The following MAP2 variants were observed in gnomAD, a reference collection of about 807,000 sequenced individuals.
MAP2 encodes microtubule-associated protein 2.
Under a neutral mutation model 137.6 loss-of-function variants are expected in MAP2, and 14 were observed. The observed-to-expected ratio is 0.10, with a 90% CI of 0.07 to 0.16. The LOEUF is 0.16. Ranked by LOEUF, MAP2 falls within the 10% of genes least tolerant of loss-of-function variation. The pLI is 1.00. For missense variants in MAP2, 2,088 were observed against 2,191.5 expected (o/e 0.95, Z 0.94); for synonymous variants, 786 against 782.3 (o/e 1.00, Z -0.08).
At chr2:209,595,031 ACTC>A (rs1453149637) in intron 3 of MAP2, among the ~76,000 whole-genome samples, 1 of 152,080 alleles carries the variant, frequency 6.6e-6, no homozygotes, top group Non-Finnish European at 1.5e-5. Context: ...AAGAAGTAAA[ACTC>A]CTTCTACAAT....
intron 2 of MAP2, among the ~76,000 whole-genome samples, chr2:209,545,501 A>G (rs892384387): frequency 2.6e-5 from 4 of 152,234 alleles, no homozygotes; most frequent in East Asian, 3.9e-4. Flanking sequence ...GTAACGATGC[A>G]GCTGACAGTA....
chr2:209,583,921 T>C (rs928386887), intron 3 of MAP2, among the ~76,000 whole-genome samples: 4 of 151,968 alleles, frequency 2.6e-5, no homozygotes, highest in Non-Finnish European at 5.9e-5. Context: ...AACTCCTCCT[T>C]CCTTCCCTCT....
chr2:209,529,659 A>G (rs1422922548), intron 2 of MAP2, among the ~76,000 whole-genome samples: 1 of 152,168 alleles, frequency 6.6e-6, no homozygotes, highest in Non-Finnish European at 1.5e-5. Context: ...GTGGGAGGCA[A>G]GCAGATTCAT....
At chr2:209,460,255 C>T (rs1228498667) in intron 1 of MAP2, among the ~76,000 whole-genome samples, 1 of 152,130 alleles carries the variant, frequency 6.6e-6, no homozygotes, top group Non-Finnish European at 1.5e-5. Flanking sequence ...AATTGGCCAT[C>T]GTAATGTATG....
intron 5 of MAP2, among the ~76,000 whole-genome samples, chr2:209,656,838 T>C (rs769167655): frequency 2.6e-5 from 4 of 152,318 alleles, no homozygotes; most frequent in Middle Eastern, 3.4e-3. Flanking sequence ...ATATATCTCA[T>C]AGGGGTGAAG....
chr2:209,593,997 A>C (rs1049893128), intron 3 of MAP2, among the ~76,000 whole-genome samples: 5 of 143,576 alleles, frequency 3.5e-5, no homozygotes, highest in Non-Finnish European at 7.5e-5. Context: ...CACACACACA[A>C]ATTAGCTGGA....
intron 5 of MAP2, among the ~76,000 whole-genome samples, chr2:209,658,165 A>C (rs1291488721): frequency 6.6e-6 from 1 of 152,178 alleles, no homozygotes; most frequent in Non-Finnish European, 1.5e-5. Flanking sequence ...ATTATTTGTA[A>C]AATTTGTAAA....
rs1055166528 is a variant in MAP2, at chr2:209,732,635, C to A, written c.*2238C>A. The A allele has an allele frequency of 3.3e-5, 5 of 152,540 alleles. No individual in the cohort carries two copies. The highest frequency in any genetic ancestry group is 5.9e-5 in the Non-Finnish European group (4 of 68,030). The allele number at this position is 152,540 out of a possible 1,614,324, so 9.4% of individuals were successfully genotyped here. A position where few individuals can be genotyped will look rare whatever the true frequency, so the allele number is the denominator to read the frequency against. Reference sequence around the variant, plus strand: ...TTAAATTTCTCTAGAAAGAAGTTAACAGCTCATTAGAAAAGTTTTAACCTG... The same window carrying A: ...TTAAATTTCTCTAGAAAGAAGTTAAAAGCTCATTAGAAAAGTTTTAACCTG... On this transcript the variant is annotated 3_prime_UTR_variant, in exon 16 of 16. Transcript: ENST00000682079.
intron 3 of MAP2, among the ~76,000 whole-genome samples, chr2:209,610,185 G>A (rs892764783): frequency 2.0e-5 from 3 of 152,052 alleles, no homozygotes; most frequent in Non-Finnish European, 2.9e-5. Context: ...GTAGAGAAGA[G>A]CATTCCAAGC....
At chr2:209,481,969 T>G (rs1708889411) in intron 1 of MAP2, among the ~76,000 whole-genome samples, 1 of 152,206 alleles carries the variant, frequency 6.6e-6, no homozygotes, top group African/African-American at 2.4e-5. Context: ...TTCATTTATT[T>G]CAGAATAATG....
At chr2:209,574,123 T>C (rs924483036) in intron 2 of MAP2, among the ~76,000 whole-genome samples, 1 of 152,178 alleles carries the variant, frequency 6.6e-6, no homozygotes, top group Admixed American at 6.5e-5. Context: ...ATGATTCTCA[T>C]GGTACATTCG....
intron 3 of MAP2, among the ~76,000 whole-genome samples, chr2:209,619,382 TA>T (rs1203165694): frequency 6.6e-6 from 1 of 152,150 alleles, no homozygotes; most frequent in Non-Finnish European, 1.5e-5. Flanking sequence ...CATCATATTA[TA>T]CATGATAAAT....
chr2:209,727,805 T>G (rs919865905), intron 14 of MAP2, among the ~76,000 whole-genome samples: 1 of 152,180 alleles, frequency 6.6e-6, no homozygotes, highest in African/African-American at 2.4e-5. Context: ...ATCTCTGAGT[T>G]TAAGATATCT....
rs767047070 is a variant in MAP2, at chr2:209,693,106, C to A, written c.936C>A (p.Pro312=). The A allele has an allele frequency of 8.7e-6, 14 of 1,612,868 alleles. 1 individual carries two copies. The South Asian group carries it at 1.4e-4, about 16-fold the overall frequency. ...GGGAAGGGAAACAGTTTGATTCTCC[C>A]ATGCCAAGTCCCTTTCAAGGGGGAA... ...PKWEGKQFDS[P]MPSPFQGGSF... Residue 312 remains proline (P), a synonymous_variant, in exon 8 of 16, where the codon CCC becomes CCA. Coordinates refer to ENST00000682079, the MANE Select transcript of MAP2 (RefSeq NM_001375505.1).
chr2:209,510,551 T>G (rs1319732356), intron 2 of MAP2, among the ~76,000 whole-genome samples: 1 of 152,098 alleles, frequency 6.6e-6, no homozygotes, highest in Non-Finnish European at 1.5e-5. Context: ...TATACCAATA[T>G]ACACTTCACT....
chr2:209,567,841 C>T, intron 2 of MAP2, among the ~76,000 whole-genome samples: 1 of 151,962 alleles, frequency 6.6e-6, no homozygotes, highest in East Asian at 1.9e-4. Flanking sequence ...ATATCTTTTA[C>T]CTAAAATCCT....
chr2:209,485,649 AG>A (rs977397763), intron 1 of MAP2, among the ~76,000 whole-genome samples: 1 of 152,212 alleles, frequency 6.6e-6, no homozygotes, highest in African/African-American at 2.4e-5. Flanking sequence ...TATAGAACTA[AG>A]CAAGACTTTC....
rs146873160 is a variant in MAP2, at chr2:209,511,393, C to T, written c.-172+3752C>T. Among the ~76,000 whole-genome samples, 298 of 152,204 alleles carry T rather than the reference C, an allele frequency of 2.0e-3. 5 individuals are homozygous for T. Among genetic ancestry groups the T allele is most frequent in the Admixed American group, 0.017 (267 of 15,274 alleles). On this transcript the variant is annotated intron_variant, in intron 2 of 15. Transcript: ENST00000682079. ...AGGGATCATGTTCATCATACTGACA[C>T]CTAGTTCTAAGGGATACATTGCTTA...
intron 3 of MAP2, among the ~76,000 whole-genome samples, chr2:209,580,341 G>A (rs911122976): frequency 6.6e-6 from 1 of 152,062 alleles, no homozygotes; most frequent in Non-Finnish European, 1.5e-5. Flanking sequence ...ATATCAACAT[G>A]TTTGGCTTAT....
Sources: gnomAD v4.1 joint callset for allele counts (sites outside exome capture counted in the v4.1 genomes callset) on GRCh38, gnomAD v4.1.1 for gene constraint, MANE v1.5 for transcripts, NCBI Gene and HGNC (gene_info 2026-07-23, HGNC 2026-07-21) for gene names.